The following DOCK11 variants were observed in gnomAD, a reference collection of about 807,000 sequenced individuals.
DOCK11 encodes the protein dedicator of cytokinesis 11.
A neutral mutation model predicts 169.1 loss-of-function variants in DOCK11; 70 were observed. The ratio of observed to expected loss-of-function variants is 0.41; its 90% CI spans 0.34 to 0.51. The LOEUF is 0.51. DOCK11 is among the 20% of genes least tolerant of loss of function. The probability of loss-of-function intolerance (pLI) is 0.10; values close to 1 mark genes in which losing one functional copy is unlikely to be tolerated. For missense variants in DOCK11, 1,166 were observed against 1,538.8 expected, an observed-to-expected ratio of 0.76 and a Z score of 4.05; for synonymous variants, 529 against 541.3, an observed-to-expected ratio of 0.98 and a Z score of 0.32.
intron 46 of DOCK11, among the ~76,000 whole-genome samples, chrX:118,671,639 C>T (rs1251481138): frequency 9.0e-6 from 1 of 111,122 alleles, no homozygotes; most frequent in African/African-American, 3.3e-5. Flanking sequence ...GTAAAAGATC[C>T]AAAATAGAAA....
chrX:118,580,244 C>A, intron 14 of DOCK11, 65 bp downstream of exon 14: 1 of 931,199 alleles, frequency 1.1e-6, no homozygotes, highest in Non-Finnish European at 1.5e-6. Flanking sequence ...GGCTGTTATA[C>A]TTACCAGCAT....
intron 1 of DOCK11, among the ~76,000 whole-genome samples, chrX:118,499,522 C>G (rs1279103790): frequency 2.7e-5 from 3 of 111,859 alleles, no homozygotes; most frequent in African/African-American, 9.8e-5. Context: ...GTTGACTCCC[C>G]CAACCCGCCG....
At chrX:118,585,971 T>C (rs1385810116) in intron 16 of DOCK11, among the ~76,000 whole-genome samples, 1 of 112,278 alleles carries the variant, frequency 8.9e-6, no homozygotes, top group African/African-American at 3.2e-5. Flanking sequence ...ATCAAATCTA[T>C]TAAAATGTTT....
At chrX:118,581,805 TAA>T (rs35095116) in intron 14 of DOCK11, among the ~76,000 whole-genome samples, 10 of 12,740 alleles carry the variant, frequency 7.8e-4, no homozygotes, top group African/African-American at 3.3e-3. Context: ...CTCCGTCTCC[TAA>T]AAAAAAAAAA....
intron 39 of DOCK11, among the ~76,000 whole-genome samples, chrX:118,642,647 C>T (rs1462708661): frequency 1.8e-5 from 2 of 111,205 alleles, no homozygotes; most frequent in African/African-American, 6.5e-5. Context: ...TTATAAGAGA[C>T]CATGATTCTA....
intron 46 of DOCK11, among the ~76,000 whole-genome samples, chrX:118,673,620 TAGAG>T (rs1178650286): frequency 8.9e-6 from 1 of 112,251 alleles, no homozygotes; most frequent in Admixed American, 9.4e-5. Context: ...GGAGGAATTT[TAGAG>T]AAAGAAGCTT....
At chrX:118,641,828 C>T (rs1432800347) in intron 39 of DOCK11, among the ~76,000 whole-genome samples, 4 of 111,219 alleles carry the variant, frequency 3.6e-5, no homozygotes, top group African/African-American at 6.5e-5. Flanking sequence ...GGATAATGGA[C>T]GTGAGAGTGC....
intron 1 of DOCK11, among the ~76,000 whole-genome samples, chrX:118,517,467 A>G (rs2057697570): frequency 9.1e-6 from 1 of 109,591 alleles, no homozygotes; most frequent in African/African-American, 3.3e-5. Context: ...TTTTTGCTTT[A>G]AAAACATTAA....
chrX:118,669,517 C>T lies in DOCK11; in HGVS notation c.5077-1506C>T, dbSNP rs757617036. On this transcript the variant is annotated intron_variant, in intron 45 of 52. Coordinates refer to ENST00000276202, the MANE Select transcript of DOCK11 (RefSeq NM_144658.4). ...ATGGTATCTTCTCACTGTGCCCTTACGTGATGGAAGGGGGTGAGCTAACTC... is the reference window on the plus strand; with the variant it reads ...ATGGTATCTTCTCACTGTGCCCTTATGTGATGGAAGGGGGTGAGCTAACTC... Among the ~76,000 whole-genome samples the T allele has an allele frequency of 7.2e-5, 8 of 111,661 alleles. No individual in the cohort carries two copies. In the East Asian group the frequency reaches 2.3e-3, roughly 32 times the overall value.
chrX:118,552,427 T>G (rs1480470590), intron 6 of DOCK11, among the ~76,000 whole-genome samples: 1 of 111,744 alleles, frequency 8.9e-6, no homozygotes, highest in Non-Finnish European at 1.9e-5. Context: ...TTCTTCGTAT[T>G]GGAAGATTAT....
At position 118,566,112 on chromosome X, in the gene DOCK11, G is replaced by C. The variant is rs1168132472; in HGVS notation, c.801G>C (p.Leu267Phe). 8.3e-7 allele frequency: 1 copy of C among 1,210,477 alleles called. No homozygotes were observed. The highest frequency in any genetic ancestry group is 3.0e-5 in the East Asian group (1 of 33,816). ...EQEMEEWLIT[L>F]KKIIQINTDS... is the part of the protein sequence containing the mutation. The stretch of plus-strand genomic sequence containing the variant: ...AAATGGAGGAATGGTTGATAACTTT[G>C]AAAAAGATTATTCAGATCAACACCG... The change falls in exon 8 of 53, where the codon TTG (leucine) becomes TTC (phenylalanine). Residue 267 changes from leucine to phenylalanine, a missense_variant. Transcript: ENST00000276202.
At chrX:118,678,517 G>A (rs1012505809) in intron 48 of DOCK11, among the ~76,000 whole-genome samples, 2 of 110,295 alleles carry the variant, frequency 1.8e-5, no homozygotes, top group Non-Finnish European at 3.8e-5. Context: ...CTGTCACCCA[G>A]GCTGGAGTGC....
rs1215885787 is a variant in DOCK11 at position 118,545,439 on chromosome X, G to A, written c.462+47G>A. 5 of 932,050 alleles carry A rather than the reference G, an allele frequency of 5.4e-6. No individual in the cohort carries two copies. The African/African-American group carries it at 6.1e-5, about 11-fold the overall frequency. 76.8% of individuals were successfully genotyped at this position (932,050 alleles called of 1,213,427 possible). ...GGGGTAACTGTGCTAGTTTCCTCAC[G>A]GTCACTTTGCTGAAAAAGATTTCAA... On this transcript the variant is annotated intron_variant, in intron 5 of 52. Transcript: ENST00000276202.
At chrX:118,511,608 G>C (rs186255227) in intron 1 of DOCK11, among the ~76,000 whole-genome samples, 3,059 of 111,596 alleles carry the variant, frequency 0.027, 77 homozygotes, top group African/African-American at 0.074. Context: ...TCTATTGGCT[G>C]TCAGCTGAAC....
intron 40 of DOCK11, among the ~76,000 whole-genome samples, chrX:118,648,603 A>G (rs2015866892): frequency 1.1e-5 from 1 of 95,070 alleles, no homozygotes; most frequent in African/African-American, 3.9e-5. Flanking sequence ...TATATAATAT[A>G]TTAATATATA....
intron 30 of DOCK11, among the ~76,000 whole-genome samples, chrX:118,616,723 T>TGGG (rs199546789): frequency 0.024 from 2,657 of 111,049 alleles, 50 homozygotes; most frequent in Non-Finnish European, 0.034. Flanking sequence ...AAAGCCACCT[T>TGGG]TGTTAGTCAG....
At chrX:118,648,843 G>T in intron 40 of DOCK11, 102 bp from the exon 41 acceptor site, 2 of 722,597 alleles carry the variant, frequency 2.8e-6, no homozygotes, top group African/African-American at 4.4e-5. Context: ...TATCCTCAAA[G>T]CCCCCAGCAT....
intron 31 of DOCK11, among the ~76,000 whole-genome samples, chrX:118,622,090 T>G (rs1201330255): frequency 8.9e-6 from 1 of 112,070 alleles, no homozygotes; most frequent in Non-Finnish European, 1.9e-5. Flanking sequence ...CTAGTTCGGC[T>G]GTGGGCAAAT....
chrX:118,523,608 C>T (rs894030299), intron 1 of DOCK11, among the ~76,000 whole-genome samples: 4 of 112,112 alleles, frequency 3.6e-5, no homozygotes, highest in African/African-American at 6.5e-5. Context: ...TTCAACAGTT[C>T]AGCCTCACGA....
Sources: gnomAD v4.1 joint callset for allele counts (sites outside exome capture counted in the v4.1 genomes callset) on GRCh38, gnomAD v4.1.1 for gene constraint, MANE v1.5 for transcripts, NCBI Gene and HGNC (gene_info 2026-07-23, HGNC 2026-07-21) for gene names.